Variants in MIS18A observed in about 807,000 individuals in gnomAD.
MIS18A encodes the protein protein Mis18-alpha.
MIS18A carries 14 observed loss-of-function variants against 25.0 expected under a neutral mutation model. That is an observed-to-expected ratio of 0.56 (90% confidence interval 0.37 to 0.88). MIS18A has a LOEUF of 0.88. MIS18A is among the 40% of genes least tolerant of loss of function. MIS18A has a pLI of 0.00. For missense variants in MIS18A, 292 were observed against 290.8 expected (o/e 1.00, Z -0.03); for synonymous variants, 134 against 118.6 (o/e 1.13, Z -0.84).
chr21:32,174,672 C>T, the MIS18A span, among the ~76,000 whole-genome samples: 1 of 152,126 alleles, frequency 6.6e-6, no homozygotes, highest in Non-Finnish European at 1.5e-5. Flanking sequence ...TCCACAATCA[C>T]AGTAAGAGTC....
At chr21:32,183,558 C>T in the MIS18A span, among the ~76,000 whole-genome samples, 1 of 152,180 alleles carries the variant, frequency 6.6e-6, no homozygotes, top group Non-Finnish European at 1.5e-5. Flanking sequence ...TCCAAACAAC[C>T]CCCTCCTTGG....
chr21:32,223,199 A>G, the MIS18A span, among the ~76,000 whole-genome samples: 1 of 152,092 alleles, frequency 6.6e-6, no homozygotes, highest in Non-Finnish European at 1.5e-5. Flanking sequence ...TGACACCCTA[A>G]CATCATGATT....
At chr21:32,157,611 G>T in the MIS18A span, among the ~76,000 whole-genome samples, 1 of 151,972 alleles carries the variant, frequency 6.6e-6, no homozygotes, top group African/African-American at 2.4e-5. Flanking sequence ...ACACCCTTTG[G>T]TTTTAAATAG....
At chr21:32,236,512 A>C in the MIS18A span, among the ~76,000 whole-genome samples, 1 of 152,194 alleles carries the variant, frequency 6.6e-6, no homozygotes, top group African/African-American at 2.4e-5. Flanking sequence ...TCTTATGTAG[A>C]AGTCCAGGCT....
At chr21:32,181,801 C>G in the MIS18A span, among the ~76,000 whole-genome samples, 1 of 152,058 alleles carries the variant, frequency 6.6e-6, no homozygotes, top group Non-Finnish European at 1.5e-5. Flanking sequence ...ATGTGTTTGC[C>G]CATCATTCTT....
the MIS18A span, among the ~76,000 whole-genome samples, chr21:32,193,673 T>C: frequency 2.6e-5 from 4 of 152,236 alleles, no homozygotes; most frequent in Non-Finnish European, 5.9e-5. Context: ...GAAATGTGTT[T>C]TATTTAAGAG....
chr21:32,278,628 C>A (rs2031864142), intron 1 of MIS18A, 53 bp downstream of exon 1: 1 of 1,450,740 alleles, frequency 6.9e-7, no homozygotes, highest in Non-Finnish European at 9.1e-7. Context: ...ACGCGCGGCA[C>A]CCCTGGAAGA....
chr21:32,158,677 G>T, the MIS18A span, among the ~76,000 whole-genome samples: 4 of 152,004 alleles, frequency 2.6e-5, no homozygotes, highest in South Asian at 2.1e-4. Flanking sequence ...GTTTCTCCTT[G>T]TTGGTCAGGC....
At chr21:32,194,860 G>C in the MIS18A span, among the ~76,000 whole-genome samples, 1 of 151,906 alleles carries the variant, frequency 6.6e-6, no homozygotes, top group African/African-American at 2.4e-5. Context: ...CAGACATACA[G>C]AGTGGAATAA....
In MIS18A at chr21:32,270,452, T is replaced by C; in HGVS notation, c.479A>G (p.Asp160Gly). Residue 160 changes from aspartate to glycine, a missense_variant, in exon 3 of 5, where the codon GAT (aspartate) becomes GGT (glycine). By Grantham distance (94) the Asp-to-Gly change is moderately conservative. Transcript: ENST00000290130. ...YVYRCTPKNL[D>G]YKRDLFCLSV... Reference sequence around the variant, plus strand: ...GAGGCAAAACAAGTCTCTCTTGTAATCAAGATTCTTGGGCGTGCATCTGTA... The same window carrying C: ...GAGGCAAAACAAGTCTCTCTTGTAACCAAGATTCTTGGGCGTGCATCTGTA... 6.2e-7 allele frequency: 1 copy of C among 1,613,702 alleles called. No individual in the cohort carries two copies. The highest frequency in any genetic ancestry group is 8.5e-7 in the Non-Finnish European group (1 of 1,179,860).
chr21:32,226,959 AACAAC>A, the MIS18A span, among the ~76,000 whole-genome samples: 1 of 152,180 alleles, frequency 6.6e-6, no homozygotes, highest in Non-Finnish European at 1.5e-5. Context: ...CAAATAGGAA[AACAAC>A]ACAATTCTAA....
the MIS18A span, among the ~76,000 whole-genome samples, chr21:32,230,027 G>T: frequency 1.3e-5 from 2 of 152,272 alleles, no homozygotes; most frequent in South Asian, 4.1e-4. Context: ...CAGTCTATCT[G>T]ACCTCATCAA....
At chr21:32,209,422 G>C in the MIS18A span, among the ~76,000 whole-genome samples, 1 of 152,210 alleles carries the variant, frequency 6.6e-6, no homozygotes, top group Non-Finnish European at 1.5e-5. Context: ...AGATTCTAGA[G>C]TTAGCAAAGG....
chr21:32,198,995 G>C, the MIS18A span, among the ~76,000 whole-genome samples: 1 of 152,084 alleles, frequency 6.6e-6, no homozygotes, highest in African/African-American at 2.4e-5. Flanking sequence ...TCTAAGCACT[G>C]ATTGCCAGTT....
At chr21:32,160,958 G>T in the MIS18A span, among the ~76,000 whole-genome samples, 4 of 152,144 alleles carry the variant, frequency 2.6e-5, no homozygotes, top group Non-Finnish European at 5.9e-5. Flanking sequence ...TGTCTGTCTA[G>T]CCTCTCCAAA....
the MIS18A span, among the ~76,000 whole-genome samples, chr21:32,245,816 C>T: frequency 6.6e-6 from 1 of 152,200 alleles, no homozygotes. Flanking sequence ...TGACACTCAG[C>T]CTCCCTCTGC....
At chr21:32,176,269 A>T in the MIS18A span, among the ~76,000 whole-genome samples, 6 of 152,198 alleles carry the variant, frequency 3.9e-5, no homozygotes, top group Admixed American at 2.6e-4. Flanking sequence ...CTTTTATACA[A>T]CTGGCAGCAT....
chr21:32,186,940 C>A, the MIS18A span, among the ~76,000 whole-genome samples: 1 of 152,046 alleles, frequency 6.6e-6, no homozygotes, highest in Non-Finnish European at 1.5e-5. Flanking sequence ...GATTGACAGG[C>A]AGATTATTAT....
chr21:32,211,189 T>G, the MIS18A span, among the ~76,000 whole-genome samples: 1 of 152,144 alleles, frequency 6.6e-6, no homozygotes, highest in Non-Finnish European at 1.5e-5. Flanking sequence ...TACAGGCATG[T>G]GTCACCATGC....
Sources: gnomAD v4.1 joint callset for allele counts (sites outside exome capture counted in the v4.1 genomes callset) on GRCh38, gnomAD v4.1.1 for gene constraint, MANE v1.5 for transcripts, NCBI Gene and HGNC (gene_info 2026-07-23, HGNC 2026-07-21) for gene names.